MAPKAPK2: variants seen among roughly 807,000 people sequenced by gnomAD.
MAPKAPK2 encodes MAPK activated protein kinase 2.
A neutral mutation model predicts 48.8 loss-of-function variants in MAPKAPK2; 9 were observed. That is an observed-to-expected ratio of 0.18 (90% CI 0.11 to 0.32). The LOEUF is 0.32. Among genes scored for constraint, MAPKAPK2 ranks in the 10% least tolerant of loss-of-function variants. The pLI is 1.00. For synonymous variants in MAPKAPK2, 202 were observed against 190.6 expected (o/e 1.06, Z -0.49); for missense variants, 331 against 498.3 (o/e 0.66, Z 3.20).
rs1673910700 is a variant in MAPKAPK2 at position 206,731,520 on chromosome 1, C to T, written c.893-120C>T. The stretch of plus-strand genomic sequence containing the variant: ...GTAATGGTCCTTGGGGCCAGTTGCT[C>T]CGGCAGCCTGCCTCCATGCACCCCC... On this transcript the variant is annotated intron_variant, in intron 7 of 9. Transcript: ENST00000367103. The surrounding 1 kb of genome is among the most constrained non-coding windows in gnomAD (Gnocchi z 5.9). 1 of 1,104,010 alleles carries T rather than the reference C, an allele frequency of 9.1e-7. No individual in the cohort carries two copies. 68.4% of individuals were successfully genotyped at this position (1,104,010 alleles called of 1,614,324 possible). A position where few individuals can be genotyped will look rare whatever the true frequency, so the allele number is the denominator to read the frequency against.
intron 1 of MAPKAPK2, among the ~76,000 whole-genome samples, chr1:206,699,475 G>A (rs1175341860): frequency 1.3e-5 from 2 of 152,208 alleles, no homozygotes; most frequent in Non-Finnish European, 2.9e-5. Flanking sequence ...ACTCCACTGG[G>A]GCTCCGTATT....
At chr1:206,728,884 GT>G (rs781964902) in intron 2 of MAPKAPK2, 35 bp downstream of exon 2, 1 of 1,612,564 alleles carries the variant, frequency 6.2e-7, no homozygotes, top group South Asian at 1.1e-5. Flanking sequence ...GGCCCAGCCT[GT>G]TCCCACTCCT....
intron 5 of MAPKAPK2, 30 bp from the exon 6 acceptor site, chr1:206,730,658 G>T: frequency 6.3e-7 from 1 of 1,598,356 alleles, no homozygotes; most frequent in Non-Finnish European, 8.6e-7. Flanking sequence ...TCTGAGGGCC[G>T]GCCCACCCAT....
intron 1 of MAPKAPK2, among the ~76,000 whole-genome samples, chr1:206,717,129 A>G (rs782616584): frequency 6.6e-6 from 1 of 152,200 alleles, no homozygotes; most frequent in Non-Finnish European, 1.5e-5. Flanking sequence ...TTATTTGTCA[A>G]AGCCTCCTTT....
At chr1:206,685,755 G>A (rs1672270414) in intron 1 of MAPKAPK2, among the ~76,000 whole-genome samples, 1 of 151,514 alleles carries the variant, frequency 6.6e-6, no homozygotes, top group African/African-American at 2.4e-5. Context: ...GGGGACTCAG[G>A]GGACCCTGCC....
rs1337758535 is a variant in MAPKAPK2 at position 206,731,277 on chromosome 1, T to A, written c.892+15T>A. 2 of 1,613,840 alleles carry A rather than the reference T, an allele frequency of 1.2e-6. No individual in the cohort carries two copies. Among genetic ancestry groups the A allele is most frequent in the Non-Finnish European group, 1.7e-6 (2 of 1,180,000 alleles). On this transcript the variant is annotated intron_variant, in intron 7 of 9. Transcript: ENST00000367103. This position sits in a 1 kb window ranked among gnomAD's most constrained non-coding sequence, Gnocchi z 5.9. The stretch of plus-strand genomic sequence containing the variant: ...ATCAGAGGAAGGTAAGAACCCAGGC[T>A]TTCAGGACAAGGGGAAGAGCCCGTG...
chr1:206,701,831 TAAAAA>T (rs1181483621), intron 1 of MAPKAPK2, among the ~76,000 whole-genome samples: 2 of 86,966 alleles, frequency 2.3e-5, no homozygotes. Flanking sequence ...ACCCTGTCTC[TAAAAA>T]AAAAAAAAAA....
Position 206,733,884 on chromosome 1 carries a change from G to T in MAPKAPK2, c.*1166G>T, listed in dbSNP as rs1323298172. 6.5e-6 allele frequency: 1 copy of T among 152,804 alleles called. No homozygotes were observed. The highest frequency in any genetic ancestry group is 1.5e-5 in the Non-Finnish European group (1 of 68,074). 9.5% of individuals were successfully genotyped at this position (152,804 alleles called of 1,614,324 possible). A position where few individuals can be genotyped will look rare whatever the true frequency, so the allele number is the denominator to read the frequency against. ...AAGTCTTCCCTCAGATTTCCATTGT[G>T]TGGCCTGGTGGGTCAGGGGGAGTCT... On this transcript the variant is annotated 3_prime_UTR_variant, in exon 10 of 10. Coordinates refer to ENST00000367103, the MANE Select transcript of MAPKAPK2 (RefSeq NM_032960.4).
At chr1:206,722,307 C>T (rs1287999019) in intron 1 of MAPKAPK2, among the ~76,000 whole-genome samples, 2 of 151,990 alleles carry the variant, frequency 1.3e-5, no homozygotes, top group African/African-American at 2.4e-5. Flanking sequence ...TTGCAGTGAG[C>T]GGAGATCGTG....
At chr1:206,695,860 G>A (rs1672606613) in intron 1 of MAPKAPK2, 9 of 529,250 alleles carry the variant, frequency 1.7e-5, no homozygotes, top group East Asian at 3.6e-5. Flanking sequence ...CCCTTCCTGC[G>A]GGTGCTGTCA....
At chr1:206,699,970 CTCT>C (rs1396521883) in intron 1 of MAPKAPK2, among the ~76,000 whole-genome samples, 1 of 147,660 alleles carries the variant, frequency 6.8e-6, no homozygotes, top group Non-Finnish European at 1.5e-5. Context: ...CTCTCTCTCT[CTCT>C]TCTTTTTTTC....
At chr1:206,703,992 C>T (rs12060808) in intron 1 of MAPKAPK2, among the ~76,000 whole-genome samples, 52,303 of 152,070 alleles carry the variant, frequency 0.34, 9,554 homozygotes, top group Non-Finnish European at 0.41. Flanking sequence ...CAGCTGCCTG[C>T]GGAAGTCAGT....
intron 1 of MAPKAPK2, among the ~76,000 whole-genome samples, chr1:206,712,327 G>A (rs868934662): frequency 3.3e-5 from 5 of 152,174 alleles, no homozygotes; most frequent in Non-Finnish European, 5.9e-5. Context: ...GAAGGAAACC[G>A]GAGGTATAAG....
chr1:206,692,289 T>C (rs1420775174), intron 1 of MAPKAPK2, among the ~76,000 whole-genome samples: 2 of 152,156 alleles, frequency 1.3e-5, no homozygotes, highest in African/African-American at 2.4e-5. Context: ...TAGGTTAGAG[T>C]TGGGGACTGA....
chr1:206,724,516 A>G (rs1029641524), intron 1 of MAPKAPK2, among the ~76,000 whole-genome samples: 1 of 150,110 alleles, frequency 6.7e-6, no homozygotes, highest in Non-Finnish European at 1.5e-5. Flanking sequence ...ATTTCTGATA[A>G]ACATGTGCCT....
Position 206,701,531 on chromosome 1 carries a change from TA to T in MAPKAPK2, c.279+16028del, listed in dbSNP as rs562023743. Among the ~76,000 whole-genome samples, 3 of 152,062 alleles carry T rather than the reference TA, an allele frequency of 2.0e-5. 1 individual carries two copies. In the South Asian group the frequency reaches 6.2e-4, roughly 32 times the overall value. The stretch of plus-strand genomic sequence containing the variant: ...AAGGTATTCATTTAGAAAAGGATCT[TA>T]AAAAGTATTTAGTTTGTAGGGCCAG... On this transcript the variant is annotated intron_variant, in intron 1 of 9. Coordinates refer to ENST00000367103, the MANE Select transcript of MAPKAPK2 (RefSeq NM_032960.4).
chr1:206,696,079 GCCTTCA>G, intron 1 of MAPKAPK2: 1 of 1,121,586 alleles, frequency 8.9e-7, no homozygotes, highest in Non-Finnish European at 1.4e-6. Flanking sequence ...CATCTCACCT[GCCTTCA>G]CCTTCATCCT....
chr1:206,732,939 T>C lies in MAPKAPK2; in HGVS notation c.*221T>C. On this transcript the variant is annotated 3_prime_UTR_variant, in exon 10 of 10. Coordinates refer to ENST00000367103, the MANE Select transcript of MAPKAPK2 (RefSeq NM_032960.4). This position sits in a 1 kb window ranked among gnomAD's most constrained non-coding sequence, Gnocchi z 4.4. ...CTGTGGAGAGAAGTGAGCAAGGTGC[T>C]CTTGAACCTGTGCTCATTTTGCAAT... 7.6e-6 allele frequency: 4 copies of C among 524,088 alleles called. No homozygotes were observed. Among genetic ancestry groups the C allele is most frequent in the Non-Finnish European group, 1.3e-5 (4 of 300,150 alleles). The allele number at this position is 524,088 out of a possible 1,614,324, so 32.5% of individuals were successfully genotyped here.
chr1:206,718,592 T>A (rs1478393474), intron 1 of MAPKAPK2, among the ~76,000 whole-genome samples: 1 of 151,926 alleles, frequency 6.6e-6, no homozygotes, highest in African/African-American at 2.4e-5. Context: ...TTATATCATC[T>A]TGGTCCTTAT....
Sources: allele counts gnomAD v4.1 joint callset (sites outside exome capture counted in the v4.1 genomes callset), GRCh38; gene constraint gnomAD v4.1.1; non-coding constraint Gnocchi (gnomAD v3.1); transcripts MANE v1.5; gene names NCBI Gene and HGNC (gene_info 2026-07-23, HGNC 2026-07-21).